Variants in NELL1 observed in about 807,000 individuals in gnomAD.
NELL1 encodes neural EGFL like 1, also known as protein kinase C-binding protein NELL1.
Under a neutral mutation model 107.4 loss-of-function variants are expected in NELL1, and 76 were observed. The observed-to-expected ratio is 0.71, with a 90% CI of 0.59 to 0.86. The LOEUF is 0.86. Ranked by LOEUF, NELL1 falls within the 40% of genes least tolerant of loss-of-function variation. The pLI is 0.00. For synonymous variants in NELL1, 353 were observed against 341.2 expected, an observed-to-expected ratio of 1.03 and a Z score of -0.38; for missense variants, 1,024 against 1,005.5, an observed-to-expected ratio of 1.02 and a Z score of -0.25.
intron 13 of NELL1, among the ~76,000 whole-genome samples, chr11:21,218,912 G>A (rs554679541): frequency 5.3e-5 from 8 of 152,148 alleles, no homozygotes; most frequent in Middle Eastern, 3.4e-3. Context: ...GGTTGATTCC[G>A]TATGTTGGCT....
At chr11:21,506,750 T>C (rs11601752) in intron 15 of NELL1, among the ~76,000 whole-genome samples, 28,189 of 152,106 alleles carry the variant, frequency 0.19, 2,685 homozygotes, top group East Asian at 0.28. Flanking sequence ...TGTCTGAGCA[T>C]ATGACCCTCT....
chr11:20,924,933 A>T (rs1452561477), intron 7 of NELL1, among the ~76,000 whole-genome samples: 2 of 152,210 alleles, frequency 1.3e-5, no homozygotes, highest in African/African-American at 4.8e-5. Context: ...CCAAAAAGTT[A>T]CAGAGAGTAA....
intron 14 of NELL1, among the ~76,000 whole-genome samples, chr11:21,363,017 C>T (rs1342402349): frequency 2.0e-5 from 3 of 151,830 alleles, no homozygotes; most frequent in East Asian, 3.9e-4. Context: ...GTCTCACTCC[C>T]GCAGTGCTCT....
chr11:21,465,149 T>C (rs1376464363), intron 15 of NELL1, among the ~76,000 whole-genome samples: 1 of 152,046 alleles, frequency 6.6e-6, no homozygotes, highest in African/African-American at 2.4e-5. Context: ...CTTAAGATTC[T>C]TGAGGAGGTG....
intron 16 of NELL1, among the ~76,000 whole-genome samples, chr11:21,537,249 G>A (rs1432371190): frequency 6.6e-6 from 1 of 152,002 alleles, no homozygotes; most frequent in Non-Finnish European, 1.5e-5. Context: ...TTCTTCTTAT[G>A]GCCTTCTAAT....
At chr11:21,010,181 C>T (rs1852416364) in intron 12 of NELL1, among the ~76,000 whole-genome samples, 1 of 152,034 alleles carries the variant, frequency 6.6e-6, no homozygotes, top group Admixed American at 6.6e-5. Context: ...TGATGAAAAA[C>T]AGCAGTCTAC....
chr11:21,389,039 A>C (rs376067832), intron 15 of NELL1, among the ~76,000 whole-genome samples: 89 of 151,976 alleles, frequency 5.9e-4, no homozygotes, highest in African/African-American at 2.0e-3. Flanking sequence ...AATAGTTACT[A>C]GTCCCCCATT....
intron 2 of NELL1, among the ~76,000 whole-genome samples, chr11:20,762,939 C>T (rs1209039653): frequency 6.6e-6 from 1 of 152,030 alleles, no homozygotes; most frequent in Non-Finnish European, 1.5e-5. Flanking sequence ...AGACACTCGT[C>T]CTGTTGGTTT....
chr11:21,560,297 G>A lies in NELL1; in HGVS notation c.1895G>A (p.Gly632Asp), dbSNP rs377685628. ...CLCPSGPSCS[G>D]DCPHEGGLKH... ...TGCCCCTCTGGGCCCTCCTGCTCTG[G>A]TGACTGTCCTCATGAAGGGGGGCTG... The change falls in exon 17 of 20, where the codon GGT becomes GAT. Residue 632 changes from glycine to aspartate, a missense_variant. Gly to Asp is a moderately conservative substitution (Grantham distance 94, BLOSUM62 -1). Transcript: ENST00000357134. 1.2e-6 allele frequency: 2 copies of A among 1,613,392 alleles called. No individual in the cohort carries two copies. The highest frequency in any genetic ancestry group is 2.2e-5 in the South Asian group (2 of 91,036).
chr11:20,736,447 C>T (rs1855763790), intron 2 of NELL1, among the ~76,000 whole-genome samples: 2 of 149,476 alleles, frequency 1.3e-5, no homozygotes, highest in Admixed American at 1.4e-4. Flanking sequence ...AGGCATTTAG[C>T]CCAGCGTCAA....
In NELL1 at chr11:21,068,343, A is replaced by G. The variant is rs1208608881; in HGVS notation, c.1301-45246A>G. On this transcript the variant is annotated intron_variant, in intron 12 of 19. Transcript: ENST00000357134. ...TCTCTCCATTTTAGAAATAAACATA[A>G]AAGGCTTAACTAATTTGCCCAAGAC... is the stretch of plus-strand genomic sequence containing the variant. Among the ~76,000 whole-genome samples, 4 of 152,182 alleles carry G rather than the reference A, an allele frequency of 2.6e-5. No individual in the cohort carries two copies. The East Asian group carries it at 7.7e-4, about 29-fold the overall frequency.
chr11:20,683,163 G>C (rs1422690056), intron 2 of NELL1, among the ~76,000 whole-genome samples: 2 of 150,828 alleles, frequency 1.3e-5, no homozygotes, highest in Non-Finnish European at 3.0e-5. Flanking sequence ...TTTTATCTTT[G>C]TTGGCTTATT....
chr11:21,422,522 A>C (rs1029050857), intron 15 of NELL1, among the ~76,000 whole-genome samples: 1 of 152,152 alleles, frequency 6.6e-6, no homozygotes, highest in African/African-American at 2.4e-5. Flanking sequence ...ATATTTATTA[A>C]CACAATGCAC....
chr11:20,783,584 A>C, intron 2 of NELL1, 96 bp from the exon 3 acceptor site: 4 of 765,388 alleles, frequency 5.2e-6, no homozygotes, highest in Non-Finnish European at 8.0e-6. Flanking sequence ...CTTCCTTCTC[A>C]TCTCCCCTCT....
chr11:20,897,993 A>G (rs1849786644), intron 5 of NELL1, among the ~76,000 whole-genome samples: 2 of 152,234 alleles, frequency 1.3e-5, no homozygotes. Context: ...TAGTTCAGCC[A>G]TTGTGAAAGT....
At chr11:21,001,650 A>T (rs1852223596) in intron 12 of NELL1, among the ~76,000 whole-genome samples, 1 of 152,098 alleles carries the variant, frequency 6.6e-6, no homozygotes, top group Admixed American at 6.6e-5. Context: ...AAAAATGAAG[A>T]GGAAAGAAAG....
At chr11:21,093,621 C>T (rs1385509420) in intron 12 of NELL1, among the ~76,000 whole-genome samples, 4 of 152,088 alleles carry the variant, frequency 2.6e-5, no homozygotes, top group East Asian at 1.9e-4. Flanking sequence ...AGATTTAATT[C>T]GAATCACAGT....
chr11:21,389,792 G>A (rs771176162), intron 15 of NELL1, among the ~76,000 whole-genome samples: 6 of 151,730 alleles, frequency 4.0e-5, no homozygotes, highest in Non-Finnish European at 8.8e-5. Context: ...TTTATTTTGT[G>A]GATATCCCAA....
chr11:20,898,084 G>T (rs867321824), intron 5 of NELL1, among the ~76,000 whole-genome samples: 28 of 152,216 alleles, frequency 1.8e-4, no homozygotes, highest in Middle Eastern at 6.8e-3. Flanking sequence ...ATACCCAAAG[G>T]ATTATAAATC....
Sources: gnomAD v4.1 joint callset for allele counts (sites outside exome capture counted in the v4.1 genomes callset) on GRCh38, gnomAD v4.1.1 for gene constraint, MANE v1.5 for transcripts, NCBI Gene and HGNC (gene_info 2026-07-23, HGNC 2026-07-21) for gene names.